Variants in SHANK2 observed in about 807,000 individuals in gnomAD.
SHANK2 encodes the protein SH3 and multiple ankyrin repeat domains protein 2.
A neutral mutation model predicts 133.7 loss-of-function variants in SHANK2; 43 were observed. The ratio of observed to expected loss-of-function variants is 0.32; its 90% CI spans 0.25 to 0.41. SHANK2 has a LOEUF of 0.41. SHANK2 is among the 10% of genes least tolerant of loss of function. The pLI is 1.00. For missense variants in SHANK2, 1,994 were observed against 2,235.8 expected (o/e 0.89, Z 2.18); for synonymous variants, 1,017 against 952.8 (o/e 1.07, Z -1.24).
At chr11:70,801,372 C>T (rs1291394942) in intron 13 of SHANK2, among the ~76,000 whole-genome samples, 3 of 152,092 alleles carry the variant, frequency 2.0e-5, no homozygotes, top group Admixed American at 6.5e-5. Flanking sequence ...GGACGTGTGC[C>T]GAGGGTGCAG....
chr11:70,718,908 G>A (rs554355693), intron 14 of SHANK2, among the ~76,000 whole-genome samples: 44 of 152,272 alleles, frequency 2.9e-4, no homozygotes, highest in African/African-American at 1.0e-3. Context: ...GGTCACTGGC[G>A]CTATGAGCTT....
rs1028761936 is a variant in SHANK2 at position 71,082,287 on chromosome 11, C to T, written c.913-7012G>A. Among the ~76,000 whole-genome samples the T allele has an allele frequency of 4.6e-5, 7 of 152,334 alleles. No individual in the cohort carries two copies. The East Asian group carries it at 1.4e-3, about 29-fold the overall frequency. ...TACCGTGACCAAGCCCAGGCTTGGA[C>T]ACCGCGGTCACTGCGGTGCCTGAAC... On this transcript the variant is annotated intron_variant, in intron 8 of 25. Coordinates refer to ENST00000601538, the MANE Select transcript of SHANK2 (RefSeq NM_012309.5).
chr11:70,943,003 T>C (rs1203400882), intron 10 of SHANK2: 2 of 454,274 alleles, frequency 4.4e-6, no homozygotes, highest in Non-Finnish European at 8.8e-6. Context: ...GAACCATTCA[T>C]TGTAATACAA....
At chr11:71,113,189 A>G (rs1484749532) in intron 5 of SHANK2, 104 bp downstream of exon 5, 5 of 1,035,242 alleles carry the variant, frequency 4.8e-6, no homozygotes, top group African/African-American at 3.2e-5. Flanking sequence ...TGCCAGGTAC[A>G]CAGCAGGTGC....
chr11:70,931,883 TAAAG>T (rs1328952668), intron 10 of SHANK2, among the ~76,000 whole-genome samples: 3 of 152,186 alleles, frequency 2.0e-5, no homozygotes, highest in African/African-American at 7.2e-5. Flanking sequence ...ATGTTTTTTA[TAAAG>T]AAAGAAAAAC....
rs1948493912 is a variant in SHANK2 at position 70,820,496 on chromosome 11, G to A, written c.1361C>T (p.Pro454Leu). The stretch of plus-strand genomic sequence containing the variant: ...CTTCGCGGCCCCCTCGGGCTTGCTG[G>A]GCATCTGCTGCAGCAGCTGGGGTGA... Reference protein sequence around the residue: ...SLSPQLLQQMPSKPEGAAKTI... With the variant: ...SLSPQLLQQMLSKPEGAAKTI... The change falls in exon 12 of 26, where the codon CCC becomes CTC. Residue 454 changes from proline to leucine, a missense_variant. By Grantham distance (98) the Pro-to-Leu change is moderately conservative (BLOSUM62 -3). Around this residue, in one of 5 missense-constraint regions of SHANK2, gnomAD observed 653 missense variants for 563.4 expected, o/e 1.16. Coordinates refer to ENST00000601538, the MANE Select transcript of SHANK2 (RefSeq NM_012309.5). 2.8e-6 allele frequency: 2 copies of A among 716,856 alleles called. No individual in the cohort carries two copies. Among genetic ancestry groups the A allele is most frequent in the Non-Finnish European group, 5.2e-6 (2 of 384,754 alleles). The allele number at this position is 716,856 out of a possible 1,614,324, so 44.4% of individuals were successfully genotyped here. A position where few individuals can be genotyped will look rare whatever the true frequency, so the allele number is the denominator to read the frequency against.
chr11:70,605,956 C>A (rs192126580), intron 17 of SHANK2, among the ~76,000 whole-genome samples: 6 of 152,238 alleles, frequency 3.9e-5, no homozygotes, highest in East Asian at 3.9e-4. Flanking sequence ...ATTCCCCCCC[C>A]TCCTTGGGGT....
chr11:71,099,670 T>C (rs782059200), intron 6 of SHANK2, among the ~76,000 whole-genome samples: 5 of 152,152 alleles, frequency 3.3e-5, no homozygotes, highest in Non-Finnish European at 7.4e-5. Flanking sequence ...AATATTTAAA[T>C]GGATACCTCA....
At chr11:71,061,017 A>T (rs1950980438) in intron 9 of SHANK2, among the ~76,000 whole-genome samples, 1 of 152,266 alleles carries the variant, frequency 6.6e-6, no homozygotes, top group Non-Finnish European at 1.5e-5. Context: ...TCAGCAAACG[A>T]ATCTTTCATT....
intron 15 of SHANK2, among the ~76,000 whole-genome samples, chr11:70,673,974 C>A (rs782332537): frequency 3.9e-5 from 6 of 152,204 alleles, no homozygotes; most frequent in Non-Finnish European, 7.3e-5. Flanking sequence ...GTTGGTGGGG[C>A]CTGGTGGGAG....
At chr11:71,211,299 G>A (rs185019450) in intron 2 of SHANK2, among the ~76,000 whole-genome samples, 1,723 of 150,964 alleles carry the variant, frequency 0.011, 13 homozygotes, top group Non-Finnish European at 0.019. Context: ...AGCCTTTTGG[G>A]AGGCCGAGGA....
At chr11:71,238,353 G>A (rs546686205) in intron 1 of SHANK2, among the ~76,000 whole-genome samples, 12 of 152,344 alleles carry the variant, frequency 7.9e-5, no homozygotes, top group Admixed American at 5.9e-4. Flanking sequence ...TTGGCGGTAC[G>A]TGGATGCTTA....
At chr11:71,077,383 T>G (rs1951235425) in intron 8 of SHANK2, among the ~76,000 whole-genome samples, 2 of 152,234 alleles carry the variant, frequency 1.3e-5, no homozygotes, top group South Asian at 4.1e-4. Context: ...ACCAGAGCAC[T>G]CTTCCCTTGC....
intron 10 of SHANK2, among the ~76,000 whole-genome samples, chr11:70,900,120 C>T (rs1950002851): frequency 6.6e-6 from 1 of 152,176 alleles, no homozygotes; most frequent in Non-Finnish European, 1.5e-5. Context: ...CTTTGGGAGG[C>T]TGAGGCAGGC....
At chr11:71,091,599 C>T (rs1187239540) in intron 8 of SHANK2, among the ~76,000 whole-genome samples, 2 of 152,118 alleles carry the variant, frequency 1.3e-5, no homozygotes, top group African/African-American at 4.8e-5. Context: ...TCTCCCAGAC[C>T]CACCTCACCC....
In SHANK2 at chr11:70,905,238, C is replaced by T. The variant is rs115394553; in HGVS notation, c.1108-8671G>A. ...CTCTGAGGATCTGAATTCCACTGCT[C>T]CTATTATATCAGGCAACCCCTTTCA... is the stretch of plus-strand genomic sequence containing the variant. On this transcript the variant is annotated intron_variant, in intron 10 of 25. Transcript: ENST00000601538. Among the ~76,000 whole-genome samples the T allele has an allele frequency of 4.6e-3, 697 of 152,288 alleles. 5 individuals are homozygous for T. Among genetic ancestry groups the T allele is most frequent in the African/African-American group, 0.016 (675 of 41,548 alleles).
chr11:71,145,002 T>C (rs1387241755), intron 3 of SHANK2, among the ~76,000 whole-genome samples: 1 of 152,248 alleles, frequency 6.6e-6, no homozygotes, highest in Non-Finnish European at 1.5e-5. Context: ...CTGGCATTTG[T>C]GCTTTCCTGC....
chr11:70,877,959 A>C (rs989455038), intron 11 of SHANK2, among the ~76,000 whole-genome samples: 2 of 152,216 alleles, frequency 1.3e-5, no homozygotes, highest in African/African-American at 4.8e-5. Context: ...TGTGCTGGGG[A>C]AAAGAGAAGA....
At chr11:70,848,959 GGGGA>G (rs1555064564) in intron 11 of SHANK2, among the ~76,000 whole-genome samples, 4 of 152,166 alleles carry the variant, frequency 2.6e-5, no homozygotes, top group Non-Finnish European at 4.4e-5. Context: ...GTGGGTGAAG[GGGGA>G]CCTTGCTCTG....
Sources: gnomAD v4.1 joint callset for allele counts (sites outside exome capture counted in the v4.1 genomes callset) on GRCh38, gnomAD v4.1.1 for gene constraint, gnomAD v4.1.1 regional missense constraint, MANE v1.5 for transcripts, NCBI Gene and HGNC (gene_info 2026-07-23, HGNC 2026-07-21) for gene names.